Variants in CPS1 observed in about 807,000 individuals in gnomAD.
CPS1 encodes the protein carbamoyl-phosphate synthase 1.
In CPS1, 109 loss-of-function variants were observed where a neutral mutation model predicts 174.6. That is an observed-to-expected ratio of 0.62 (90% CI 0.53 to 0.73). The LOEUF (loss-of-function observed/expected upper bound fraction) is 0.73, where lower values mean the gene tolerates loss of function less well. Among genes scored for constraint, CPS1 ranks in the 30% least tolerant of loss-of-function variants. The pLI, the probability that CPS1 is intolerant of heterozygous loss-of-function variation, is 0.00. For missense variants in CPS1, 1,689 were observed against 1,821.9 expected (o/e 0.93, Z 1.33); for synonymous variants, 637 against 632.0 (o/e 1.01, Z -0.12).
intron 16 of CPS1, among the ~76,000 whole-genome samples, chr2:210,604,000 A>G (rs1698816818): frequency 6.6e-6 from 1 of 151,976 alleles, no homozygotes; most frequent in Non-Finnish European, 1.5e-5. Context: ...ATTTTACTTC[A>G]TTAGAATGCA....
chr2:210,621,091 T>G (rs1699509486), intron 21 of CPS1, among the ~76,000 whole-genome samples: 1 of 152,242 alleles, frequency 6.6e-6, no homozygotes, highest in African/African-American at 2.4e-5. Flanking sequence ...GCTCACTGAC[T>G]TTCTCCTTTT....
Position 210,637,862 on chromosome 2 carries a change from T to G in CPS1, c.2829+19T>G. 1 of 1,613,422 alleles carries G rather than the reference T, an allele frequency of 6.2e-7. No individual in the cohort carries two copies. The highest frequency in any genetic ancestry group is 8.5e-7 in the Non-Finnish European group (1 of 1,179,638). On this transcript the variant is annotated intron_variant, in intron 22 of 37. Transcript: ENST00000233072. Reference sequence around the variant, plus strand: ...TAAACAGGTAAAGGAGTTTCCCTTTTCCCCCATCCCCCACTGACAGGATTT... The same window carrying G: ...TAAACAGGTAAAGGAGTTTCCCTTTGCCCCCATCCCCCACTGACAGGATTT...
chr2:210,629,581 C>CT (rs1699801782), intron 21 of CPS1, among the ~76,000 whole-genome samples: 1 of 151,658 alleles, frequency 6.6e-6, no homozygotes, highest in Non-Finnish European at 1.5e-5. Flanking sequence ...TCTCAAAGTG[C>CT]TGGGATTACA....
intron 1 of CPS1, among the ~76,000 whole-genome samples, chr2:210,491,459 A>G (rs10932336): frequency 0.85 from 128,547 of 151,464 alleles, 55,248 homozygotes; most frequent in Middle Eastern, 0.94. Flanking sequence ...GACTACAGGC[A>G]CGTGCCACCA....
intron 1 of CPS1, among the ~76,000 whole-genome samples, chr2:210,563,016 T>G (rs1456058950): frequency 6.6e-6 from 1 of 152,150 alleles, no homozygotes; most frequent in Admixed American, 6.5e-5. Flanking sequence ...AGTGCTGAAG[T>G]TAAAACAAGG....
In CPS1 at chr2:210,544,084, C is replaced by G. The variant is rs144610679; in HGVS notation, c.4-12635C>G. Among the ~76,000 whole-genome samples the G allele has an allele frequency of 5.5e-3, 831 of 152,116 alleles. 2 individuals carry two copies. The highest frequency in any genetic ancestry group is 0.014 in the Middle Eastern group (4 of 294). Reference sequence around the variant, plus strand: ...CTGATTTGCGCAGTTTTTAGAGAAACTGGGAAATAGGAAGATTAATAGACT... The same window carrying G: ...CTGATTTGCGCAGTTTTTAGAGAAAGTGGGAAATAGGAAGATTAATAGACT... On this transcript the variant is annotated intron_variant, in intron 1 of 38. Coordinates refer to the CPS1 transcript ENST00000430249.
chr2:210,494,890 T>C (rs1301132943), intron 1 of CPS1, among the ~76,000 whole-genome samples: 1 of 152,186 alleles, frequency 6.6e-6, no homozygotes, highest in Non-Finnish European at 1.5e-5. Flanking sequence ...GCACATGGCA[T>C]GCAACACTGA....
At chr2:210,579,630 A>G in intron 4 of CPS1, 84 bp from the exon 5 acceptor site, 4 of 1,062,244 alleles carry the variant, frequency 3.8e-6, no homozygotes, top group Non-Finnish European at 5.9e-6. Context: ...AAGAAGATAG[A>G]TGAGGCCAAG....
At chr2:210,551,190 C>G (rs1045437948) in intron 1 of CPS1, among the ~76,000 whole-genome samples, 1 of 151,870 alleles carries the variant, frequency 6.6e-6, no homozygotes. Flanking sequence ...TTTGGGTGCA[C>G]TTTGTGTTTG....
chr2:210,512,736 TTATA>T (rs71043996), intron 1 of CPS1, among the ~76,000 whole-genome samples: 504 of 46,522 alleles, frequency 0.011, 10 homozygotes, highest in Middle Eastern at 0.015. Flanking sequence ...TCCAGTAGTT[TTATA>T]TATATATATA....
chr2:210,637,822 CAT>C lies in CPS1; in HGVS notation c.2809_2810del (p.Ile937ProfsTer5), dbSNP rs1318756445. The C allele has an allele frequency of 1.3e-5, 21 of 1,613,824 alleles. No homozygotes were observed. The highest frequency in any genetic ancestry group is 1.8e-5 in the Non-Finnish European group (21 of 1,179,878). On this transcript the variant is annotated frameshift_variant, in exon 22 of 38. Coordinates refer to ENST00000233072, the MANE Select transcript of CPS1 (RefSeq NM_001875.5). LOFTEE classifies it high-confidence loss of function. ...CAAGGGAGCTGAGGTTAAAGAAAAA[CAT>C]CCACCCTTGGGTTAAACAGGTAAAG... is the stretch of plus-strand genomic sequence containing the variant. Reference protein sequence around the residue: ...QTRELRLKKNIHPWVKQIDTL... With the variant: ...QTRELRLKKNXHPWVKQIDTL...
rs1698240298 is a variant in CPS1 at position 210,590,112 on chromosome 2, G to T, written c.718G>T (p.Ala240Ser). The change falls in exon 8 of 38, where the codon GCT (alanine) becomes TCT (serine). Residue 240 changes from alanine to serine, a missense_variant. Transcript: ENST00000233072. ...TCTTGTGTCTCTTTTCCAGCGAGGAGCTGAAGTGCACTTAGTTCCCTGGAA... is the reference window on the plus strand; with the variant it reads ...TCTTGTGTCTCTTTTCCAGCGAGGATCTGAAGTGCACTTAGTTCCCTGGAA... ...NVIRLLVKRGAEVHLVPWNHD... is the reference protein window; with the variant it reads ...NVIRLLVKRGSEVHLVPWNHD... 6.2e-7 allele frequency: 1 copy of T among 1,612,756 alleles called. No homozygotes were observed. The highest frequency in any genetic ancestry group is 1.3e-5 in the African/African-American group (1 of 74,918).
chr2:210,505,493 C>T (rs1213357914), intron 1 of CPS1, among the ~76,000 whole-genome samples: 1 of 152,098 alleles, frequency 6.6e-6, no homozygotes, highest in Non-Finnish European at 1.5e-5. Context: ...TTCTGCATTT[C>T]CAACTGAGGT....
At chr2:210,667,206 A>C (rs1014558282) in intron 33 of CPS1, among the ~76,000 whole-genome samples, 11 of 152,276 alleles carry the variant, frequency 7.2e-5, no homozygotes, top group Non-Finnish European at 1.2e-4. Context: ...GAAGTTGCTT[A>C]TCAGCTTAAG....
At position 210,663,055 on chromosome 2, in the gene CPS1, T is replaced by A. The variant is rs951122; in HGVS notation, c.3928-68T>A. On this transcript the variant is annotated intron_variant, in intron 32 of 37. Transcript: ENST00000233072. ...GAGAGATGATTTGCTAATATATTTA[T>A]CCTCTCTTATTCATTTTCTACTTTT... The A allele has an allele frequency of 3.0e-4, 427 of 1,418,550 alleles. 4 individuals are homozygous for A. In the South Asian group the frequency reaches 4.6e-3, roughly 15 times the overall value. 87.9% of individuals were successfully genotyped at this position (1,418,550 alleles called of 1,614,324 possible). A position where few individuals can be genotyped will look rare whatever the true frequency, so the allele number is the denominator to read the frequency against.
chr2:210,596,169 C>G (rs1057333328), intron 13 of CPS1, among the ~76,000 whole-genome samples: 13 of 151,908 alleles, frequency 8.6e-5, no homozygotes, highest in African/African-American at 2.9e-4. Flanking sequence ...GGAAGGACAT[C>G]CTTCCTGTTT....
chr2:210,658,786 G>A, intron 31 of CPS1, 98 bp downstream of exon 31: 1 of 827,546 alleles, frequency 1.2e-6, no homozygotes, highest in South Asian at 1.4e-5. Flanking sequence ...ACCAGACAAA[G>A]AGCAACTGAG....
At chr2:210,477,747 A>G (rs759322350) in exon 1 of CPS1, 1 of 1,613,336 alleles carries the variant, frequency 6.2e-7, no homozygotes, top group Non-Finnish European at 8.5e-7. Context: ...AAATTCATGA[A>G]GATTTAGCCG....
intron 1 of CPS1, among the ~76,000 whole-genome samples, chr2:210,548,813 G>A (rs1696635845): frequency 6.6e-6 from 1 of 152,042 alleles, no homozygotes; most frequent in African/African-American, 2.4e-5. Context: ...AAATAGCTCT[G>A]TGATCCATTC....
Sources: allele counts gnomAD v4.1 joint callset (sites outside exome capture counted in the v4.1 genomes callset), GRCh38; gene constraint gnomAD v4.1.1; transcripts MANE v1.5; gene names NCBI Gene and HGNC (gene_info 2026-07-23, HGNC 2026-07-21).